TMEM117: variants seen among roughly 807,000 people sequenced by gnomAD.
The protein encoded by TMEM117 is transmembrane protein 117.
A neutral mutation model predicts 52.4 loss-of-function variants in TMEM117; 27 were observed. The observed-to-expected ratio is 0.51, with a 90% CI of 0.38 to 0.71. The LOEUF (loss-of-function observed/expected upper bound fraction) is 0.71, where lower values mean the gene tolerates loss of function less well. Ranked by LOEUF, TMEM117 falls within the 30% of genes least tolerant of loss-of-function variation. The pLI is 0.00. For synonymous variants in TMEM117, 215 were observed against 206.3 expected (o/e 1.04, Z -0.36); for missense variants, 556 against 630.5 (o/e 0.88, Z 1.26).
intron 5 of TMEM117, among the ~76,000 whole-genome samples, chr12:44,282,201 A>G (rs544729535): frequency 6.6e-6 from 1 of 152,170 alleles, no homozygotes; most frequent in African/African-American, 2.4e-5. Flanking sequence ...AGTCCAATTA[A>G]ACATCTTTTT....
At chr12:44,346,590 G>A (rs577576934) in intron 6 of TMEM117, among the ~76,000 whole-genome samples, 2 of 152,178 alleles carry the variant, frequency 1.3e-5, no homozygotes, top group East Asian at 1.9e-4. Flanking sequence ...CATACTGTGC[G>A]ATCCCATGGT....
rs1459397442 is a variant in TMEM117 at position 44,299,581 on chromosome 12, A to G, written c.610A>G (p.Thr204Ala). 1 of 1,614,104 alleles carries G rather than the reference A, an allele frequency of 6.2e-7. No homozygotes were observed. The highest frequency in any genetic ancestry group is 8.5e-7 in the Non-Finnish European group (1 of 1,179,984). Residue 204 changes from threonine to alanine, a missense_variant and splice_region_variant, in exon 6 of 8, where the codon ACA (threonine) becomes GCA (alanine). Coordinates refer to ENST00000266534, the MANE Select transcript of TMEM117 (RefSeq NM_032256.3). The part of the protein sequence containing the change: ...KGNVRITLFW[T>A]VLFTLTSVVV... ...TAATGAGTGTCTTGTTCCTTACAGGACAGTTCTTTTTACTCTGACGTCTGT... is the reference window on the plus strand; with the variant it reads ...TAATGAGTGTCTTGTTCCTTACAGGGCAGTTCTTTTTACTCTGACGTCTGT...
rs11182433 is a variant in TMEM117 at position 44,181,477 on chromosome 12, A to T, written c.511-29813A>T. Among the ~76,000 whole-genome samples, 1,266 of 150,128 alleles carry T rather than the reference A, an allele frequency of 8.4e-3. 20 individuals carry two copies. The highest frequency in any genetic ancestry group is 0.029 in the African/African-American group (1,180 of 41,134). On this transcript the variant is annotated intron_variant, in intron 4 of 7. Transcript: ENST00000266534. The stretch of plus-strand genomic sequence containing the variant: ...GCCTAGGTTTTCTTCTAGGGTTTTT[A>T]TGGTTTTAGGTCTAACGTTTAAGTC...
intron 3 of TMEM117, among the ~76,000 whole-genome samples, chr12:44,099,391 G>C (rs1947825424): frequency 6.6e-6 from 1 of 152,000 alleles, no homozygotes; most frequent in Non-Finnish European, 1.5e-5. Context: ...GGACTTGGTT[G>C]AAGAAATTAA....
At chr12:43,958,344 G>A (rs1219924226) in intron 3 of TMEM117, among the ~76,000 whole-genome samples, 1 of 152,146 alleles carries the variant, frequency 6.6e-6, no homozygotes, top group Non-Finnish European at 1.5e-5. Flanking sequence ...GGCAGAATAT[G>A]AAGAAGCTGA....
chr12:44,321,206 G>T (rs1042733663), intron 6 of TMEM117, among the ~76,000 whole-genome samples: 2 of 152,182 alleles, frequency 1.3e-5, no homozygotes, highest in East Asian at 3.8e-4. Context: ...GAGTGTTTAT[G>T]ATGTAATTCA....
At position 43,981,124 on chromosome 12, in the gene TMEM117, A is replaced by G. The variant is rs148772234; in HGVS notation, c.410+36782A>G. On this transcript the variant is annotated intron_variant, in intron 3 of 7. Coordinates refer to ENST00000266534, the MANE Select transcript of TMEM117 (RefSeq NM_032256.3). ...TCCAAGAAAGTTAGTGTCTTTCCCT[A>G]TAATTTTTATAACTTTTCCCACAAC... Among the ~76,000 whole-genome samples the G allele has an allele frequency of 2.5e-4, 38 of 152,204 alleles. No homozygotes were observed. The East Asian group carries it at 4.1e-3, about 16-fold the overall frequency.
At chr12:43,991,324 T>C (rs764539985) in intron 3 of TMEM117, among the ~76,000 whole-genome samples, 1 of 152,214 alleles carries the variant, frequency 6.6e-6, no homozygotes, top group Non-Finnish European at 1.5e-5. Context: ...CAAAATATCC[T>C]TGACAAATCG....
At chr12:43,961,931 C>T (rs1052714303) in intron 3 of TMEM117, among the ~76,000 whole-genome samples, 1 of 152,130 alleles carries the variant, frequency 6.6e-6, no homozygotes, top group Non-Finnish European at 1.5e-5. Context: ...TAAGAGATCG[C>T]CCAGCACCAT....
rs1951724405 is a variant in TMEM117 at position 44,361,772 on chromosome 12, AAGAAGAG to A, written c.769-14822_769-14816del. Among the ~76,000 whole-genome samples, 5 of 152,256 alleles carry A rather than the reference AAGAAGAG, an allele frequency of 3.3e-5. No individual in the cohort carries two copies. The South Asian group carries it at 1.0e-3, about 32-fold the overall frequency. The stretch of plus-strand genomic sequence containing the variant: ...TGGTGCTGGTACTAGGAAAATAGTC[AAGAAGAG>A]TTACATACACAAAAAAAAATTGTGC... On this transcript the variant is annotated intron_variant, in intron 6 of 7. Transcript: ENST00000266534.
chr12:44,143,481 G>T, intron 3 of TMEM117, 44 bp from the exon 4 acceptor site: 1 of 1,486,722 alleles, frequency 6.7e-7, no homozygotes, highest in South Asian at 1.2e-5. Flanking sequence ...TTAACTGTAT[G>T]ACTCTCTGAG....
chr12:44,386,467 A>G (rs985380476), intron 7 of TMEM117, among the ~76,000 whole-genome samples: 1 of 152,180 alleles, frequency 6.6e-6, no homozygotes, highest in Non-Finnish European at 1.5e-5. Flanking sequence ...TAAACTCTAT[A>G]TAGCTGAACA....
At position 44,210,917 on chromosome 12, in the gene TMEM117, C is replaced by T. The variant is rs73272261; in HGVS notation, c.511-373C>T. Among the ~76,000 whole-genome samples, 1,154 of 152,064 alleles carry T rather than the reference C, an allele frequency of 7.6e-3. 5 individuals carry two copies. Among genetic ancestry groups the T allele is most frequent in the Non-Finnish European group, 0.013 (865 of 67,960 alleles). On this transcript the variant is annotated intron_variant, in intron 4 of 7. Transcript: ENST00000266534. ...AAGATAATATTTTGATTAATGATAT[C>T]GCTAAAAATCTAGACATCAGGGAAT...
intron 4 of TMEM117, among the ~76,000 whole-genome samples, chr12:44,183,982 C>T (rs1949240969): frequency 1.3e-5 from 2 of 152,258 alleles, no homozygotes; most frequent in Non-Finnish European, 2.9e-5. Flanking sequence ...TTCAACCAAA[C>T]ACCAATCTAG....
intron 2 of TMEM117, among the ~76,000 whole-genome samples, chr12:43,910,141 C>G (rs1216544420): frequency 1.4e-5 from 2 of 140,140 alleles, no homozygotes; most frequent in Admixed American, 1.5e-4. Flanking sequence ...AAAAGCTTAT[C>G]CACCATGATC....
intron 5 of TMEM117, among the ~76,000 whole-genome samples, chr12:44,254,989 G>T (rs553140773): frequency 3.3e-5 from 5 of 152,164 alleles, no homozygotes; most frequent in Non-Finnish European, 5.9e-5. Flanking sequence ...GACATGAACT[G>T]TTCATATTTT....
chr12:44,236,528 G>A (rs1230687788), intron 5 of TMEM117, among the ~76,000 whole-genome samples: 1 of 151,740 alleles, frequency 6.6e-6, no homozygotes, highest in African/African-American at 2.4e-5. Context: ...TTTATTTCTT[G>A]ACTTTCTTTC....
At chr12:44,008,364 C>T (rs1946235285) in intron 3 of TMEM117, among the ~76,000 whole-genome samples, 1 of 152,148 alleles carries the variant, frequency 6.6e-6, no homozygotes, top group African/African-American at 2.4e-5. Context: ...TAACCAGATA[C>T]ATACATATAG....
At chr12:43,966,697 G>C (rs893742422) in intron 3 of TMEM117, among the ~76,000 whole-genome samples, 1 of 152,146 alleles carries the variant, frequency 6.6e-6, no homozygotes, top group Non-Finnish European at 1.5e-5. Flanking sequence ...GGAATAACTT[G>C]TATCAGGCTG....
Sources: allele counts gnomAD v4.1 joint callset (sites outside exome capture counted in the v4.1 genomes callset), GRCh38; gene constraint gnomAD v4.1.1; transcripts MANE v1.5; gene names NCBI Gene and HGNC (gene_info 2026-07-23, HGNC 2026-07-21).